Variants in DLGAP2 observed in about 807,000 individuals in gnomAD.
The protein encoded by DLGAP2 is disks large-associated protein 2.
In DLGAP2, 26 loss-of-function variants were observed where a neutral mutation model predicts 100.3. The ratio of observed to expected loss-of-function variants is 0.26; its 90% confidence interval spans 0.19 to 0.36. DLGAP2 has a LOEUF of 0.36. Ranked by LOEUF, DLGAP2 falls within the 10% of genes least tolerant of loss-of-function variation. The pLI is 1.00. For synonymous variants in DLGAP2, 886 were observed against 630.1 expected (o/e 1.41, Z -6.08); for missense variants, 1,858 against 1,453.2 (o/e 1.28, Z -4.53).
intron 5 of DLGAP2, among the ~76,000 whole-genome samples, chr8:1,550,817 C>A (rs1479822060): frequency 6.6e-6 from 1 of 152,224 alleles, no homozygotes; most frequent in Non-Finnish European, 1.5e-5. Flanking sequence ...GGATGCCACT[C>A]AGTGACTTCC....
At chr8:1,084,663 T>C (rs1803916649) in intron 2 of DLGAP2, among the ~76,000 whole-genome samples, 1 of 152,236 alleles carries the variant, frequency 6.6e-6, no homozygotes, top group Non-Finnish European at 1.5e-5. Context: ...TCAGTTAGCG[T>C]GATATCCTCC....
intron 2 of DLGAP2, among the ~76,000 whole-genome samples, chr8:1,246,610 C>T (rs1182225759): frequency 6.6e-6 from 1 of 152,214 alleles, no homozygotes; most frequent in African/African-American, 2.4e-5. Flanking sequence ...CCTAAACTTA[C>T]CACCCAAGTT....
chr8:1,382,068 C>T lies in DLGAP2; in HGVS notation c.107-119298C>T, dbSNP rs149463352. Among the ~76,000 whole-genome samples the T allele has an allele frequency of 5.5e-3, 840 of 152,192 alleles. 6 individuals are homozygous for T. Among genetic ancestry groups the T allele is most frequent in the African/African-American group, 0.019 (789 of 41,496 alleles). On this transcript the variant is annotated intron_variant, in intron 3 of 14. Transcript: ENST00000637795. ...CAACCCCCTCATGCAGTCAGAAATC[C>T]GCATATAACTTTTGACTCCCCCAGA... is the stretch of plus-strand genomic sequence containing the variant.
chr8:1,509,942 C>G (rs1260303271), intron 4 of DLGAP2, among the ~76,000 whole-genome samples: 1 of 152,070 alleles, frequency 6.6e-6, no homozygotes, highest in East Asian at 1.9e-4. Context: ...GACGCGGCCG[C>G]GGAGAGGAGT....
At chr8:1,179,570 A>G (rs1797336745) in intron 2 of DLGAP2, among the ~76,000 whole-genome samples, 1 of 152,248 alleles carries the variant, frequency 6.6e-6, no homozygotes, top group East Asian at 1.9e-4. Context: ...CGGTGGAATT[A>G]ATTTGGCACT....
At chr8:853,146 G>A (rs1038253073) in intron 1 of DLGAP2, among the ~76,000 whole-genome samples, 18 of 152,344 alleles carry the variant, frequency 1.2e-4, no homozygotes, top group Admixed American at 4.6e-4. Context: ...CCACAGTTCC[G>A]TGATTCACTG....
Position 1,549,441 on chromosome 8 carries a change from G to A in DLGAP2, c.988G>A (p.Ala330Thr), listed in dbSNP as rs1220577024. 3.1e-6 allele frequency: 5 copies of A among 1,613,444 alleles called. No homozygotes were observed. Among genetic ancestry groups the A allele is most frequent in the African/African-American group, 2.7e-5 (2 of 75,056 alleles). The change falls in exon 5 of 15, where the codon GCG becomes ACG. Residue 330 changes from alanine (A) to threonine (T), a missense_variant. Physicochemically the swap from Ala to Thr is moderately conservative, Grantham distance 58. Transcript: ENST00000637795. ...CCCCGTGGCCCACTGCTACCCCGAC[G>A]CGCTGCAGAGCCCCTTCGGGGACCT... ...LGPVAHCYPD[A>T]LQSPFGDLSL... is the part of the protein sequence containing the mutation.
chr8:1,332,967 C>T (rs1486360272), intron 3 of DLGAP2, among the ~76,000 whole-genome samples: 1 of 152,186 alleles, frequency 6.6e-6, no homozygotes, highest in East Asian at 1.9e-4. Context: ...CTTCCACAAG[C>T]ATGTGGCCGC....
intron 3 of DLGAP2, among the ~76,000 whole-genome samples, chr8:1,376,443 G>A (rs889421491): frequency 1.3e-5 from 2 of 152,272 alleles, no homozygotes; most frequent in Admixed American, 1.3e-4. Context: ...GCTGGTGGCA[G>A]TGAATCAGCC....
chr8:949,459 G>T (rs149692897), intron 2 of DLGAP2, among the ~76,000 whole-genome samples: 1 of 152,114 alleles, frequency 6.6e-6, no homozygotes, highest in Non-Finnish European at 1.5e-5. Context: ...GTCTGCAAGA[G>T]GAGCCCTGGG....
chr8:823,428 A>G (rs1446649242), intron 1 of DLGAP2, among the ~76,000 whole-genome samples: 1 of 152,100 alleles, frequency 6.6e-6, no homozygotes, highest in African/African-American at 2.4e-5. Context: ...AGCAAGGGGC[A>G]ATTGCTTATT....
chr8:851,792 C>A (rs1232982630), intron 1 of DLGAP2, among the ~76,000 whole-genome samples: 1 of 152,204 alleles, frequency 6.6e-6, no homozygotes. Context: ...CTGCTAGATG[C>A]CAGGAACCAC....
chr8:1,094,695 C>T (rs1436478122), intron 2 of DLGAP2, among the ~76,000 whole-genome samples: 12 of 152,210 alleles, frequency 7.9e-5, no homozygotes, highest in Admixed American at 7.2e-4. Context: ...ATTGACCGTG[C>T]AGCGGGCACA....
intron 1 of DLGAP2, among the ~76,000 whole-genome samples, chr8:776,001 G>C (rs1453712765): frequency 3.3e-5 from 5 of 151,788 alleles, no homozygotes; most frequent in Non-Finnish European, 7.4e-5. Context: ...TGGTTGGTAA[G>C]CTATTGATTA....
intron 2 of DLGAP2, among the ~76,000 whole-genome samples, chr8:1,228,118 A>G (rs957347061): frequency 2.0e-5 from 3 of 152,144 alleles, no homozygotes; most frequent in African/African-American, 7.2e-5. Context: ...TAGGAGATAT[A>G]CCTAATGTAA....
At chr8:1,635,535 T>A (rs1254215730) in intron 8 of DLGAP2, among the ~76,000 whole-genome samples, 3 of 152,220 alleles carry the variant, frequency 2.0e-5, no homozygotes, top group Non-Finnish European at 4.4e-5. Context: ...GGAGAGAGGT[T>A]ATTTTGACAG....
intron 3 of DLGAP2, among the ~76,000 whole-genome samples, chr8:1,266,254 G>C (rs1799448499): frequency 6.6e-6 from 1 of 152,148 alleles, no homozygotes; most frequent in African/African-American, 2.4e-5. Context: ...GTCCCCTTTT[G>C]GCTTATGTGG....
intron 4 of DLGAP2, among the ~76,000 whole-genome samples, chr8:1,535,559 T>A (rs1801130053): frequency 6.6e-6 from 1 of 152,242 alleles, no homozygotes; most frequent in South Asian, 2.1e-4. Flanking sequence ...CACACGTTGT[T>A]GTGAACTCTT....
At chr8:919,836 C>T (rs929393926) in intron 2 of DLGAP2, among the ~76,000 whole-genome samples, 4 of 152,222 alleles carry the variant, frequency 2.6e-5, no homozygotes, top group African/African-American at 4.8e-5. Flanking sequence ...TCTTCCATTT[C>T]CTCACTACTG....
Sources: gnomAD v4.1 joint callset for allele counts (sites outside exome capture counted in the v4.1 genomes callset) on GRCh38, gnomAD v4.1.1 for gene constraint, MANE v1.5 for transcripts, NCBI Gene and HGNC (gene_info 2026-07-23, HGNC 2026-07-21) for gene names.